GALNT7: variants seen among roughly 807,000 people sequenced by gnomAD.
GALNT7 encodes N-acetylgalactosaminyltransferase 7.
GALNT7 carries 60 observed loss-of-function variants against 82.1 expected under a neutral mutation model. That is an observed-to-expected ratio of 0.73 (90% CI 0.59 to 0.91). The LOEUF is 0.91. Ranked by LOEUF, GALNT7 falls within the 40% of genes least tolerant of loss-of-function variation. The probability of loss-of-function intolerance (pLI) is 0.00; values close to 1 mark genes in which losing one functional copy is unlikely to be tolerated. For synonymous variants in GALNT7, 243 were observed against 275.1 expected (o/e 0.88, Z 1.15); for missense variants, 660 against 804.2 (o/e 0.82, Z 2.17).
At chr4:173,279,563 T>C (rs1179399589) in intron 2 of GALNT7, among the ~76,000 whole-genome samples, 1 of 152,224 alleles carries the variant, frequency 6.6e-6, no homozygotes, top group Non-Finnish European at 1.5e-5. Context: ...TAGTAACATA[T>C]TCAAGTGTCA....
At chr4:173,224,885 C>G (rs141474183) in intron 1 of GALNT7, among the ~76,000 whole-genome samples, 3,181 of 151,566 alleles carry the variant, frequency 0.021, 82 homozygotes, top group Admixed American at 0.065. Flanking sequence ...CGTGGTGGCG[C>G]GCGCCTGTAG....
Position 173,248,144 on chromosome 4 carries a change from C to T in GALNT7, c.291C>T (p.His97=). 1 of 1,613,858 alleles carries T rather than the reference C, an allele frequency of 6.2e-7. No individual in the cohort carries two copies. Among genetic ancestry groups the T allele is most frequent in the Non-Finnish European group, 8.5e-7 (1 of 1,179,866 alleles). The change falls in exon 2 of 12, where the codon CAC becomes CAT. Residue 97 remains histidine (H), a synonymous_variant. Coordinates refer to ENST00000265000, the MANE Select transcript of GALNT7 (RefSeq NM_017423.3). Reference sequence around the variant, plus strand: ...ACAAGGCCAAAAATGAACAAGAGCACCATGCTGGAGGAGATTCCCAGAAAG... The same window carrying T: ...ACAAGGCCAAAAATGAACAAGAGCATCATGCTGGAGGAGATTCCCAGAAAG... ...RINKAKNEQE[H]HAGGDSQKDI... is the part of the protein sequence containing the mutation.
At position 173,295,443 on chromosome 4, in the gene GALNT7, C is replaced by G; in HGVS notation, c.802C>G (p.Leu268Val). ...TGAATATATTAAGCTGTGGAATGGC[C>G]TAGTGAAGGTATTTCGAAATGAAAG... The part of the protein sequence containing the change: ...LDEYIKLWNG[L>V]VKVFRNERRE... Residue 268 changes from leucine (L) to valine (V), a missense_variant, in exon 4 of 12, where the codon CTA (leucine) becomes GTA (valine). Physicochemically the swap from Leu to Val is conservative, Grantham distance 32. This residue lies in a region of GALNT7 where 527 missense variants were observed against 683.5 expected (regional missense o/e 0.77). Coordinates refer to ENST00000265000, the MANE Select transcript of GALNT7 (RefSeq NM_017423.3). 1 of 1,604,360 alleles carries G rather than the reference C, an allele frequency of 6.2e-7. No homozygotes were observed. Among genetic ancestry groups the G allele is most frequent in the Non-Finnish European group, 8.5e-7 (1 of 1,171,202 alleles).
At chr4:173,308,459 G>A (rs1737241430) in intron 8 of GALNT7, among the ~76,000 whole-genome samples, 1 of 152,006 alleles carries the variant, frequency 6.6e-6, no homozygotes, top group Non-Finnish European at 1.5e-5. Flanking sequence ...AGATAATCAT[G>A]TTAGGAGTTT....
At chr4:173,281,957 C>G (rs1736126465) in intron 2 of GALNT7, among the ~76,000 whole-genome samples, 1 of 151,998 alleles carries the variant, frequency 6.6e-6, no homozygotes, top group Non-Finnish European at 1.5e-5. Context: ...TGTCCTGCAT[C>G]CAAAAAAATT....
chr4:173,220,608 G>A (rs7681286), intron 1 of GALNT7, among the ~76,000 whole-genome samples: 17,822 of 151,472 alleles, frequency 0.12, 1,333 homozygotes, highest in Non-Finnish European at 0.17. Context: ...CCATTAACTC[G>A]TCATCTAGCA....
At position 173,169,032 on chromosome 4, in the gene GALNT7, G is replaced by A. The variant is rs1347237577; in HGVS notation, c.126+71G>A. 7 of 1,498,706 alleles carry A rather than the reference G, an allele frequency of 4.7e-6. No homozygotes were observed. The East Asian group carries it at 7.0e-5, about 15-fold the overall frequency. 92.8% of individuals were successfully genotyped at this position (1,498,706 alleles called of 1,614,324 possible). ...TGTTTTGTTTGCCCGCGTGTGGAGG[G>A]AGCAGGGGCGGCGGGGTCGCGGCAC... On this transcript the variant is annotated intron_variant, in intron 1 of 11. Coordinates refer to ENST00000265000, the MANE Select transcript of GALNT7 (RefSeq NM_017423.3).
At chr4:173,297,736 G>A (rs1736771622) in intron 5 of GALNT7, 1 of 742,594 alleles carries the variant, frequency 1.3e-6, no homozygotes, top group African/African-American at 1.8e-5. Context: ...AACGTAGTTA[G>A]GCATGCTGAA....
intron 1 of GALNT7, among the ~76,000 whole-genome samples, chr4:173,245,278 T>G (rs1308111518): frequency 6.6e-6 from 1 of 151,560 alleles, no homozygotes; most frequent in Non-Finnish European, 1.5e-5. Flanking sequence ...TCCATTAAAA[T>G]TTCTGTCATT....
rs549872649 is a variant in GALNT7, at chr4:173,313,250, C to G, written c.1390-708C>G. 2.0e-5 allele frequency among the ~76,000 whole-genome samples: 3 copies of G among 151,862 alleles called. No individual in the cohort carries two copies. In the South Asian group the frequency reaches 6.2e-4, roughly 32 times the overall value. On this transcript the variant is annotated intron_variant, in intron 8 of 11. Coordinates refer to ENST00000265000, the MANE Select transcript of GALNT7 (RefSeq NM_017423.3). ...CTGAAATGATATTTTTTTCCCTACA[C>G]TTATCAACAGAACGATTCTAATAGA...
chr4:173,189,021 C>G (rs983346323), intron 1 of GALNT7, among the ~76,000 whole-genome samples: 3 of 152,200 alleles, frequency 2.0e-5, no homozygotes, highest in Non-Finnish European at 2.9e-5. Context: ...TACAAATACT[C>G]TTCGTCTCCC....
intron 8 of GALNT7, among the ~76,000 whole-genome samples, chr4:173,313,651 T>C (rs1199654237): frequency 2.6e-5 from 4 of 151,302 alleles, no homozygotes; most frequent in Non-Finnish European, 5.9e-5. Context: ...TCTCATAAAC[T>C]CTCTCTGAGA....
chr4:173,221,206 A>C (rs1486819879), intron 1 of GALNT7, among the ~76,000 whole-genome samples: 1 of 152,066 alleles, frequency 6.6e-6, no homozygotes, highest in Non-Finnish European at 1.5e-5. Flanking sequence ...AACTGGTGTG[A>C]GATGATATCT....
intron 9 of GALNT7, 148 bp from the exon 10 acceptor site, chr4:173,317,486 T>C: frequency 1.7e-6 from 1 of 594,766 alleles, no homozygotes; most frequent in East Asian, 2.8e-5. Context: ...TATGTAAAGA[T>C]TGACAATCCA....
chr4:173,293,384 G>A (rs1481289814), intron 3 of GALNT7, among the ~76,000 whole-genome samples: 1 of 151,970 alleles, frequency 6.6e-6, no homozygotes, highest in Non-Finnish European at 1.5e-5. Flanking sequence ...ACCCTTGAAT[G>A]AAAGTACAGC....
In GALNT7 at chr4:173,168,821, C is replaced by A. The variant is rs202086821; in HGVS notation, c.-15C>A. 1.4e-5 allele frequency: 22 copies of A among 1,608,982 alleles called. No individual in the cohort carries two copies. In the African/African-American group the frequency reaches 2.7e-4, roughly 20 times the overall value. ...CGGCTGCGCCGGGCTGTGAGTCTCT[C>A]GCCGCCGGAGGAAGATGAGGCTGAA... On this transcript the variant is annotated 5_prime_UTR_variant, in exon 1 of 12. Transcript: ENST00000265000.
intron 2 of GALNT7, among the ~76,000 whole-genome samples, chr4:173,264,395 A>G (rs552959716): frequency 6.6e-6 from 1 of 152,306 alleles, no homozygotes; most frequent in East Asian, 1.9e-4. Flanking sequence ...GTGTGAGTCT[A>G]CACACTGTGG....
intron 1 of GALNT7, among the ~76,000 whole-genome samples, chr4:173,174,162 C>T (rs192559018): frequency 7.9e-5 from 12 of 152,212 alleles, no homozygotes; most frequent in Non-Finnish European, 4.4e-5. Context: ...CCTTCTCCCC[C>T]CACACATAAT....
chr4:173,284,382 A>G (rs1047867519), intron 2 of GALNT7, among the ~76,000 whole-genome samples: 1 of 152,226 alleles, frequency 6.6e-6, no homozygotes, highest in African/African-American at 2.4e-5. Context: ...CTTAATTGTG[A>G]TTGATAGCAA....
Sources: gnomAD v4.1 joint callset for allele counts (sites outside exome capture counted in the v4.1 genomes callset) on GRCh38, gnomAD v4.1.1 for gene constraint, gnomAD v4.1.1 regional missense constraint, MANE v1.5 for transcripts, NCBI Gene and HGNC (gene_info 2026-07-23, HGNC 2026-07-21) for gene names.